Variants in PPP4R4 observed in about 807,000 individuals in gnomAD.
The protein encoded by PPP4R4 is protein phosphatase 4 regulatory subunit 4.
In PPP4R4, 70 loss-of-function variants were observed where a neutral mutation model predicts 121.8. The observed-to-expected ratio is 0.57, with a 90% confidence interval of 0.47 to 0.70. The LOEUF is 0.70. Among genes scored for constraint, PPP4R4 ranks in the 30% least tolerant of loss-of-function variants. PPP4R4 has a pLI of 0.00. For missense variants in PPP4R4, 875 were observed against 1,033.6 expected (o/e 0.85, Z 2.10); for synonymous variants, 348 against 355.7 (o/e 0.98, Z 0.24).
intron 3 of PPP4R4, among the ~76,000 whole-genome samples, chr14:94,216,991 A>T (rs1891056650): frequency 6.6e-6 from 1 of 152,166 alleles, no homozygotes; most frequent in Non-Finnish European, 1.5e-5. Context: ...TGACCCTGGC[A>T]AAGGTCCCCC....
Position 94,265,922 on chromosome 14 carries a change from T to G in PPP4R4, c.2378+35T>G, listed in dbSNP as rs761870505. On this transcript the variant is annotated intron_variant, in intron 22 of 24. Transcript: ENST00000304338. ...GTAAGCCCTTCAATTTTTAACATAATTTTTATCTTTATTCACATCTTCATA... is the reference window on the plus strand; with the variant it reads ...GTAAGCCCTTCAATTTTTAACATAAGTTTTATCTTTATTCACATCTTCATA... The G allele has an allele frequency of 1.8e-5, 24 of 1,341,522 alleles. No individual in the cohort carries two copies. In the East Asian group the frequency reaches 5.5e-4, roughly 31 times the overall value. 83.1% of individuals were successfully genotyped at this position (1,341,522 alleles called of 1,614,324 possible).
intron 16 of PPP4R4, among the ~76,000 whole-genome samples, chr14:94,252,270 A>G (rs1318007767): frequency 6.6e-6 from 1 of 152,184 alleles, no homozygotes; most frequent in Non-Finnish European, 1.5e-5. Context: ...TTTGGTGAGC[A>G]TCCGTTAGTT....
intron 23 of PPP4R4, 132 bp from the exon 24 acceptor site, chr14:94,275,242 G>A (rs148262540): frequency 1.4e-5 from 14 of 1,002,994 alleles, no homozygotes; most frequent in East Asian, 2.4e-5. Context: ...GCAGTTTGTT[G>A]TATGTAAATT....
intron 2 of PPP4R4, among the ~76,000 whole-genome samples, chr14:94,188,821 TATC>T (rs1889437341): frequency 6.6e-6 from 1 of 152,170 alleles, no homozygotes; most frequent in South Asian, 2.1e-4. Context: ...TATAGCAAAA[TATC>T]ATAATCACTT....
intron 7 of PPP4R4, among the ~76,000 whole-genome samples, chr14:94,235,388 C>CTTTTT (rs34881107): frequency 4.9e-4 from 25 of 50,806 alleles, no homozygotes; most frequent in African/African-American, 9.2e-4. Flanking sequence ...TCTCCTTGTT[C>CTTTTT]TTTTTTTTTT....
intron 23 of PPP4R4, among the ~76,000 whole-genome samples, chr14:94,273,555 G>A (rs569657418): frequency 6.6e-6 from 1 of 152,194 alleles, no homozygotes; most frequent in South Asian, 2.1e-4. Flanking sequence ...ATTATATATT[G>A]TCCAAATCCG....
rs150761653 is a variant in PPP4R4 at position 94,231,303 on chromosome 14, C to T, written c.504C>T (p.Thr168=). ...LSVIEVLPKE[T]LRHEILNPLV... ...TTATAGAAGTATTGCCAAAAGAAACCCTACGGCATGAGGTAATACTTTCAT... is the reference window on the plus strand; with the variant it reads ...TTATAGAAGTATTGCCAAAAGAAACTCTACGGCATGAGGTAATACTTTCAT... The change falls in exon 5 of 25, where the codon ACC becomes ACT. Residue 168 remains threonine, a synonymous_variant. Transcript: ENST00000304338. The T allele has an allele frequency of 1.9e-6, 3 of 1,609,676 alleles. No individual in the cohort carries two copies.
chr14:94,197,687 T>C (rs945851016), intron 2 of PPP4R4, among the ~76,000 whole-genome samples: 4 of 152,130 alleles, frequency 2.6e-5, no homozygotes, highest in African/African-American at 9.7e-5. Context: ...CCTCCGAAAA[T>C]TTCCCCATGT....
chr14:94,243,531 T>C (rs1460808450), intron 11 of PPP4R4, among the ~76,000 whole-genome samples: 1 of 152,188 alleles, frequency 6.6e-6, no homozygotes, highest in Non-Finnish European at 1.5e-5. Flanking sequence ...AGACTTTCTA[T>C]TTTTTTCTCA....
At chr14:94,191,281 G>C (rs1301832426) in intron 2 of PPP4R4, among the ~76,000 whole-genome samples, 1 of 152,080 alleles carries the variant, frequency 6.6e-6, no homozygotes, top group Non-Finnish European at 1.5e-5. Flanking sequence ...AGGGCTGTTT[G>C]TACCCTCGTT....
chr14:94,217,943 G>A (rs1478960198), intron 3 of PPP4R4, among the ~76,000 whole-genome samples: 1 of 152,150 alleles, frequency 6.6e-6, no homozygotes, highest in African/African-American at 2.4e-5. Flanking sequence ...GCGGTGAGCC[G>A]AGATTGCACC....
At chr14:94,189,033 C>G (rs975511428) in intron 2 of PPP4R4, among the ~76,000 whole-genome samples, 2 of 151,882 alleles carry the variant, frequency 1.3e-5, no homozygotes, top group Non-Finnish European at 2.9e-5. Context: ...AAACAATTAC[C>G]ATAAGAGAAA....
intron 2 of PPP4R4, among the ~76,000 whole-genome samples, chr14:94,182,783 A>G (rs1207433207): frequency 1.3e-5 from 2 of 152,200 alleles, no homozygotes; most frequent in Non-Finnish European, 2.9e-5. Flanking sequence ...TTTAGGTATC[A>G]TTATAGAAGC....
chr14:94,250,383 A>T, intron 15 of PPP4R4, 106 bp downstream of exon 15: 1 of 696,202 alleles, frequency 1.4e-6, no homozygotes, highest in East Asian at 2.7e-5. Context: ...TTAGGTTACT[A>T]TTGGGTTTTA....
At chr14:94,244,421 A>G (rs1163649324) in intron 11 of PPP4R4, among the ~76,000 whole-genome samples, 3 of 152,108 alleles carry the variant, frequency 2.0e-5, no homozygotes, top group Non-Finnish European at 4.4e-5. Flanking sequence ...TCCTCACCCC[A>G]TGTGTGTCTG....
chr14:94,225,894 C>G (rs1891673130), intron 3 of PPP4R4, among the ~76,000 whole-genome samples: 1 of 151,998 alleles, frequency 6.6e-6, no homozygotes, highest in African/African-American at 2.4e-5. Flanking sequence ...TAGATATTTG[C>G]TAGACTTTCC....
chr14:94,174,630 C>G, intron 1 of PPP4R4, 48 bp downstream of exon 1: 2 of 1,594,322 alleles, frequency 1.3e-6, no homozygotes, highest in Non-Finnish European at 1.7e-6. Flanking sequence ...GGCCGCCTGC[C>G]CCGCGCGGTC....
rs1447614108 is a variant in PPP4R4 at position 94,200,811 on chromosome 14, T to TTG, written c.192-7652_192-7651insGT. On this transcript the variant is annotated intron_variant, in intron 2 of 24. Coordinates refer to ENST00000304338, the MANE Select transcript of PPP4R4 (RefSeq NM_058237.2). ...TGTTTCACTTATCTTTTGTATTTTT[T>TTG]TTTTGTTTCCCTTTCATTTAGTCCT... Among the ~76,000 whole-genome samples, 84 of 152,084 alleles carry TTG rather than the reference T, an allele frequency of 5.5e-4. 1 individual carries two copies. The highest frequency in any genetic ancestry group is 9.6e-4 in the Non-Finnish European group (65 of 67,960).
chr14:94,175,130 C>T (rs1012061006), intron 1 of PPP4R4, among the ~76,000 whole-genome samples: 1 of 151,142 alleles, frequency 6.6e-6, no homozygotes, highest in Non-Finnish European at 1.5e-5. Context: ...CCCCACCTCT[C>T]CCGGAGACAC....
Sources: allele counts gnomAD v4.1 joint callset (sites outside exome capture counted in the v4.1 genomes callset), GRCh38; gene constraint gnomAD v4.1.1; transcripts MANE v1.5; gene names NCBI Gene and HGNC (gene_info 2026-07-23, HGNC 2026-07-21).